The following PRX variants were observed in gnomAD, a reference collection of about 807,000 sequenced individuals.
The protein encoded by PRX is periaxin.
In PRX, 24 loss-of-function variants were observed where a neutral mutation model predicts 29.6. The observed-to-expected ratio is 0.81, with a 90% confidence interval of 0.59 to 1.14. The LOEUF (loss-of-function observed/expected upper bound fraction) is 1.14. Among genes scored for constraint, PRX ranks in the 50% most tolerant of loss-of-function variants. The pLI is 0.00. For missense variants in PRX, 1,838 were observed against 1,926.4 expected, an observed-to-expected ratio of 0.95 and a Z score of 0.86; for synonymous variants, 772 against 831.7, an observed-to-expected ratio of 0.93 and a Z score of 1.24.
In PRX at chr19:40,394,807, C is replaced by G. The variant is rs780600357; in HGVS notation, c.3545G>C (p.Gly1182Ala). 6 of 1,613,562 alleles carry G rather than the reference C, an allele frequency of 3.7e-6. No homozygotes were observed. In the East Asian group the frequency reaches 8.9e-5, roughly 24 times the overall value. Residue 1182 changes from glycine (G) to alanine (A), a missense_variant, in exon 7 of 7, where the codon GGC becomes GCC. Physicochemically the swap from Gly to Ala is moderately conservative, Grantham distance 60. Transcript: ENST00000324001. The surrounding 1 kb of genome is among the most constrained non-coding windows in gnomAD (Gnocchi z 5.8). ...CACCTGGGGCACCTGAACCCTGTAG[C>G]CTGCTGTGCCCTCTGCTGAAGGGAC... ...STVPSAEGTA[G>A]YRVQVPQVTL...
rs1484155812 is a variant in PRX at position 40,395,391 on chromosome 19, A to C, written c.2961T>G (p.Pro987=). Reference sequence around the variant, plus strand: ...GCTGTGGGATGGACAGATCGAGGGCAGGCAGCAGGCCTGCCTCCCCAGCCC... The same window carrying C: ...GCTGTGGGATGGACAGATCGAGGGCCGGCAGCAGGCCTGCCTCCCCAGCCC... The part of the protein sequence containing the change: ...AKGAGEAGLL[P]ALDLSIPQLS... Residue 987 remains proline, a synonymous_variant, in exon 7 of 7, where the codon CCT becomes CCG. Coordinates refer to ENST00000324001, the MANE Select transcript of PRX (RefSeq NM_181882.3). 1.2e-6 allele frequency: 2 copies of C among 1,613,858 alleles called. No individual in the cohort carries two copies. Among genetic ancestry groups the C allele is most frequent in the South Asian group, 2.2e-5 (2 of 91,082 alleles).
In PRX at chr19:40,395,429, C is replaced by A. The variant is rs752590323; in HGVS notation, c.2923G>T (p.Ala975Ser). ...SLPKARVGAE[A>S]EAKGAGEAGL... Reference sequence around the variant, plus strand: ...GCCTCCCCAGCCCCTTTGGCCTCAGCCTCAGCCCCCACCCGAGCCTTGGGG... The same window carrying A: ...GCCTCCCCAGCCCCTTTGGCCTCAGACTCAGCCCCCACCCGAGCCTTGGGG... Residue 975 changes from alanine (A) to serine (S), a missense_variant, in exon 7 of 7, where the codon GCT becomes TCT. Transcript: ENST00000324001. The A allele has an allele frequency of 1.2e-6, 2 of 1,613,936 alleles. No homozygotes were observed. Among genetic ancestry groups the A allele is most frequent in the African/African-American group, 1.3e-5 (1 of 74,902 alleles).
chr19:40,398,241 C>A lies in PRX; in HGVS notation c.382-271G>T. 1 of 1,415,572 alleles carries A rather than the reference C, an allele frequency of 7.1e-7. No individual in the cohort carries two copies. Among genetic ancestry groups the A allele is most frequent in the Non-Finnish European group, 9.2e-7 (1 of 1,090,046 alleles). The allele number at this position is 1,415,572 out of a possible 1,614,324, so 87.7% of individuals were successfully genotyped here. On this transcript the variant is annotated intron_variant, in intron 6 of 6. Coordinates refer to ENST00000324001, the MANE Select transcript of PRX (RefSeq NM_181882.3). This position sits in a 1 kb window ranked among gnomAD's most constrained non-coding sequence, Gnocchi z 6.3. ...GATCCGGGATTTTCCCCAACATCCT[C>A]ATTCTAGAGATGGGGAAACTGAGGC... is the stretch of plus-strand genomic sequence containing the variant.
At chr19:40,399,855 C>CTTTCTTTCTTTCTTTCTTTA (rs2079476691) in intron 5 of PRX, among the ~76,000 whole-genome samples, 1 of 85,708 alleles carries the variant, frequency 1.2e-5, no homozygotes, top group Admixed American at 1.2e-4. Flanking sequence ...TCTTTCCTTT[C>CTTTCTTTCTTTCTTTCTTTA]TTTCTTTCTT....
At chr19:40,402,938 G>A (rs1001505246) in intron 5 of PRX, among the ~76,000 whole-genome samples, 5 of 152,176 alleles carry the variant, frequency 3.3e-5, no homozygotes, top group African/African-American at 1.2e-4. Flanking sequence ...GGGAGACTGA[G>A]GCGGATGGAT....
Position 40,397,691 on chromosome 19 carries a change from C to T in PRX, c.661G>A (p.Ala221Thr). ...APPPRKAKVE[A>T]EVAAGARFTA... ...AAACGAGCTCCTGCAGCCACCTCAG[C>T]CTCCACCTTGGCTTTCCTGGGGGGA... Residue 221 changes from alanine to threonine, a missense_variant, in exon 7 of 7, where the codon GCT (alanine) becomes ACT (threonine). Transcript: ENST00000324001. 1 of 1,561,102 alleles carries T rather than the reference C, an allele frequency of 6.4e-7. No homozygotes were observed. The highest frequency in any genetic ancestry group is 8.6e-7 in the Non-Finnish European group (1 of 1,158,556).
Position 40,397,017 on chromosome 19 carries a change from G to A in PRX, c.1335C>T (p.Pro445=). The A allele has an allele frequency of 3.1e-6, 5 of 1,614,140 alleles. No individual in the cohort carries two copies. Among genetic ancestry groups the A allele is most frequent in the Non-Finnish European group, 4.2e-6 (5 of 1,180,048 alleles). Reference sequence around the variant, plus strand: ...TTGGAAGCTTGACCTCAGGAGCCTTGGGGAGCTTCACTTCAGGTCCCTTGG... The same window carrying A: ...TTGGAAGCTTGACCTCAGGAGCCTTAGGGAGCTTCACTTCAGGTCCCTTGG... ...KVPKGPEVKL[P]KAPEVKLPKV... The change falls in exon 7 of 7, where the codon CCC becomes CCT. Residue 445 remains proline (P), a synonymous_variant. Transcript: ENST00000324001.
At chr19:40,400,276 C>A (rs1166049875) in intron 5 of PRX, among the ~76,000 whole-genome samples, 2 of 149,028 alleles carry the variant, frequency 1.3e-5, no homozygotes, top group Non-Finnish European at 3.0e-5. Context: ...GCCACCGTGC[C>A]CAGCCCCTCC....
rs983661401 is a variant in PRX at position 40,406,368 on chromosome 19, G to A, written c.27+1538C>T. Among the ~76,000 whole-genome samples the A allele has an allele frequency of 5.3e-5, 8 of 151,752 alleles. No individual in the cohort carries two copies. In the South Asian group the frequency reaches 8.3e-4, roughly 16 times the overall value. The stretch of plus-strand genomic sequence containing the variant: ...GTTGGGATTACAGGTGTGAGCCATC[G>A]AATGCAGTCTGCAGGATCTCATTTC... On this transcript the variant is annotated intron_variant, in intron 4 of 6. Transcript: ENST00000324001.
chr19:40,406,339 G>C (rs1271431078), intron 4 of PRX, among the ~76,000 whole-genome samples: 1 of 151,708 alleles, frequency 6.6e-6, no homozygotes, highest in Non-Finnish European at 1.5e-5. Context: ...CAGCCTCCCA[G>C]AGTGTTGGGA....
Position 40,403,733 on chromosome 19 carries a change from C to T in PRX, c.157G>A (p.Ala53Thr). 7 of 1,566,628 alleles carry T rather than the reference C, an allele frequency of 4.5e-6. No individual in the cohort carries two copies. Among genetic ancestry groups the T allele is most frequent in the Non-Finnish European group, 6.1e-6 (7 of 1,156,932 alleles). Reference protein sequence around the residue: ...FVRELREDSPAARSLSLQEGD... With the variant: ...FVRELREDSPTARSLSLQEGD... The stretch of plus-strand genomic sequence containing the variant: ...TCCTGCAGGCTGAGGCTCCTGGCGG[C>T]GGGTGAGTCCTCGCGCAGCTCCCGA... Residue 53 changes from alanine (A) to threonine (T), a missense_variant, in exon 5 of 7, where the codon GCC (alanine) becomes ACC (threonine). Physicochemically the swap from Ala to Thr is moderately conservative, Grantham distance 58. Coordinates refer to ENST00000324001, the MANE Select transcript of PRX (RefSeq NM_181882.3).
In PRX at chr19:40,403,700, GC is replaced by G; in HGVS notation, c.184+5del. On this transcript the variant is annotated splice_donor_5th_base_variant and intron_variant, in intron 5 of 6. Transcript: ENST00000324001. ...CGACCCCGCCCCACACCCCGGGCCC[GC>G]CCACCTTCCTGCAGGCTGAGGCTCC... 2 of 1,527,312 alleles carry G rather than the reference GC, an allele frequency of 1.3e-6. No homozygotes were observed. Among genetic ancestry groups the G allele is most frequent in the Non-Finnish European group, 1.8e-6 (2 of 1,133,640 alleles). 94.6% of individuals were successfully genotyped at this position (1,527,312 alleles called of 1,614,324 possible). A position where few individuals can be genotyped will look rare whatever the true frequency, so the allele number is the denominator to read the frequency against.
intron 4 of PRX, among the ~76,000 whole-genome samples, chr19:40,406,028 C>T (rs1324486978): frequency 1.3e-5 from 2 of 151,518 alleles, no homozygotes; most frequent in African/African-American, 4.8e-5. Flanking sequence ...GGGAGGATCA[C>T]CTGAGGTCAG....
Position 40,394,691 on chromosome 19 carries a change from G to A in PRX, c.3661C>T (p.Leu1221Phe). The change falls in exon 7 of 7, where the codon CTT (leucine) becomes TTT (phenylalanine). Residue 1221 changes from leucine (L) to phenylalanine (F), a missense_variant. By Grantham distance (22) the Leu-to-Phe change is conservative. Around this residue, in one of 3 missense-constraint regions of PRX, gnomAD observed 1,143 missense variants for 1,193.0 expected, o/e 0.96. Transcript: ENST00000324001. The surrounding 1 kb of genome is among the most constrained non-coding windows in gnomAD (Gnocchi z 5.8). ...FKMPTVTVPQ[L>F]ELDVGLSREA... ...CGGCTTAGCCCCACGTCCAGCTCAA[G>A]CTGGGGCACTGTCACGGTGGGCATC... The A allele has an allele frequency of 1.9e-6, 3 of 1,610,840 alleles. No homozygotes were observed. Among genetic ancestry groups the A allele is most frequent in the Non-Finnish European group, 2.5e-6 (3 of 1,179,978 alleles).
intron 5 of PRX, among the ~76,000 whole-genome samples, chr19:40,402,196 C>CA (rs1373299185): frequency 6.7e-6 from 1 of 149,222 alleles, no homozygotes; most frequent in African/African-American, 2.5e-5. Context: ...ACTAAAAATA[C>CA]AAAAAAAATT....
At chr19:40,412,313 C>A (rs1334656057) in intron 1 of PRX, among the ~76,000 whole-genome samples, 1 of 152,142 alleles carries the variant, frequency 6.6e-6, no homozygotes, top group Admixed American at 6.5e-5. Flanking sequence ...TCGGTTAGTC[C>A]CTGCTCCAGC....
intron 4 of PRX, among the ~76,000 whole-genome samples, chr19:40,404,072 GGGATTACAGGCGTGA>G: frequency 6.6e-6 from 1 of 152,340 alleles, no homozygotes. Flanking sequence ...CCAAAGTGCT[GGGATTACAGGCGTGA>G]GCCACCGCGC....
chr19:40,404,442 G>C (rs1166677334), intron 4 of PRX, among the ~76,000 whole-genome samples: 1 of 151,632 alleles, frequency 6.6e-6, no homozygotes, highest in Non-Finnish European at 1.5e-5. Flanking sequence ...GTTGGTGCGG[G>C]TAGGAGGGGT....
At chr19:40,407,155 G>A (rs553940120) in intron 4 of PRX, among the ~76,000 whole-genome samples, 8 of 151,574 alleles carry the variant, frequency 5.3e-5, no homozygotes, top group African/African-American at 9.7e-5. Context: ...AAGTGGTAGG[G>A]TTGGGATTTG....
Sources: gnomAD v4.1 joint callset for allele counts (sites outside exome capture counted in the v4.1 genomes callset) on GRCh38, gnomAD v4.1.1 for gene constraint, gnomAD v4.1.1 regional missense constraint, Gnocchi (gnomAD v3.1) non-coding constraint, MANE v1.5 for transcripts, NCBI Gene and HGNC (gene_info 2026-07-23, HGNC 2026-07-21) for gene names.